DZIP3: variants seen among roughly 807,000 people sequenced by gnomAD.
The protein encoded by DZIP3 is E3 ubiquitin-protein ligase DZIP3.
DZIP3 carries 118 observed loss-of-function variants against 162.0 expected under a neutral mutation model. The ratio of observed to expected loss-of-function variants is 0.73; its 90% CI spans 0.63 to 0.85. DZIP3 has a LOEUF of 0.85. DZIP3 is among the 40% of genes least tolerant of loss of function. The pLI is 0.00. For missense variants in DZIP3, 1,331 were observed against 1,407.0 expected, an observed-to-expected ratio of 0.95 and a Z score of 0.86; for synonymous variants, 438 against 458.6, an observed-to-expected ratio of 0.96 and a Z score of 0.57.
intron 21 of DZIP3, among the ~76,000 whole-genome samples, chr3:108,664,270 A>G (rs1202256302): frequency 6.6e-6 from 1 of 152,168 alleles, no homozygotes; most frequent in Non-Finnish European, 1.5e-5. Context: ...ATAACAATAG[A>G]AAGGCTTTTT....
intron 13 of DZIP3, among the ~76,000 whole-genome samples, chr3:108,643,555 G>A (rs1299735201): frequency 6.6e-6 from 1 of 150,796 alleles, no homozygotes; most frequent in Non-Finnish European, 1.5e-5. Flanking sequence ...TACCCTTTGA[G>A]TAGCAAGGAG....
chr3:108,589,655 T>G (rs1576326684), upstream of DZIP3: 2 of 301,948 alleles, frequency 6.6e-6, no homozygotes, highest in East Asian at 6.2e-5. Flanking sequence ...CGGCCTGAGA[T>G]CCCGTGAAGG....
rs775401443 is a variant in DZIP3 at position 108,688,012 on chromosome 3, T to C, written c.3186T>C (p.Asp1062=). The change falls in exon 29 of 33, where the codon GAT becomes GAC. Residue 1062 remains aspartate, a synonymous_variant. Transcript: ENST00000361582. ...CAGATTTCTTACGGAAATTGAAGGA[T>C]GCTTATGGAAAATCCTTGTCTGAAC... The part of the protein sequence containing the change: ...ELTDFLRKLK[D]AYGKSLSELT... 9.9e-6 allele frequency: 16 copies of C among 1,613,578 alleles called. No individual in the cohort carries two copies. In the South Asian group the frequency reaches 1.5e-4, roughly 16 times the overall value.
chr3:108,653,829 T>C (rs1293659317), intron 18 of DZIP3, among the ~76,000 whole-genome samples: 1 of 152,038 alleles, frequency 6.6e-6, no homozygotes, highest in Non-Finnish European at 1.5e-5. Context: ...CTGAAAGTAC[T>C]GTTTTCCAAA....
intron 10 of DZIP3, among the ~76,000 whole-genome samples, chr3:108,635,548 TATA>T (rs1418774744): frequency 6.8e-6 from 1 of 147,564 alleles, no homozygotes; most frequent in Non-Finnish European, 1.5e-5. Flanking sequence ...TTATATAAGT[TATA>T]ATTATATATA....
At chr3:108,681,299 C>A (rs1244011821) in intron 26 of DZIP3, among the ~76,000 whole-genome samples, 1 of 152,046 alleles carries the variant, frequency 6.6e-6, no homozygotes, top group Non-Finnish European at 1.5e-5. Flanking sequence ...CAAAAGAAGA[C>A]ATTTATGTGG....
At chr3:108,687,594 A>G (rs959968072) in intron 28 of DZIP3, among the ~76,000 whole-genome samples, 1 of 152,206 alleles carries the variant, frequency 6.6e-6, no homozygotes, top group African/African-American at 2.4e-5. Flanking sequence ...AACATAGTTA[A>G]AAATAAATAT....
chr3:108,666,630 C>T (rs1422582792), intron 21 of DZIP3, among the ~76,000 whole-genome samples: 2 of 152,076 alleles, frequency 1.3e-5, no homozygotes, highest in East Asian at 3.9e-4. Flanking sequence ...CCAAGATAGA[C>T]AATAACCTGG....
intron 18 of DZIP3, 111 bp from the exon 19 acceptor site, chr3:108,654,034 T>C: frequency 8.6e-7 from 1 of 1,166,340 alleles, no homozygotes; most frequent in South Asian, 1.5e-5. Context: ...TGAACCCTTC[T>C]AATGCTGAGC....
intron 24 of DZIP3, among the ~76,000 whole-genome samples, chr3:108,675,301 A>G (rs1427972662): frequency 6.6e-6 from 1 of 152,014 alleles, no homozygotes; most frequent in African/African-American, 2.4e-5. Context: ...CAAATAGAAG[A>G]TATTTCTAAT....
chr3:108,657,303 T>C (rs921526470), intron 19 of DZIP3, among the ~76,000 whole-genome samples: 7 of 152,148 alleles, frequency 4.6e-5, no homozygotes, highest in African/African-American at 1.4e-4. Flanking sequence ...GCAGAAACTC[T>C]ACAAGCCAGA....
chr3:108,589,531 A>T, upstream of DZIP3: 3 of 473,846 alleles, frequency 6.3e-6, no homozygotes, highest in South Asian at 3.6e-5. Context: ...ACCCTAGGGG[A>T]CCGTTCTCGG....
At chr3:108,683,490 A>C (rs1944391483) in intron 26 of DZIP3, among the ~76,000 whole-genome samples, 1 of 152,150 alleles carries the variant, frequency 6.6e-6, no homozygotes, top group African/African-American at 2.4e-5. Flanking sequence ...CTTTATGCTT[A>C]ATGCCAGTAG....
intron 22 of DZIP3, among the ~76,000 whole-genome samples, chr3:108,671,681 T>A (rs1159450706): frequency 6.6e-6 from 1 of 151,970 alleles, no homozygotes; most frequent in Non-Finnish European, 1.5e-5. Flanking sequence ...GTTGCTATCA[T>A]TGGGATACAA....
intron 26 of DZIP3, among the ~76,000 whole-genome samples, chr3:108,682,246 A>C (rs1944344149): frequency 6.6e-6 from 1 of 150,882 alleles, no homozygotes. Flanking sequence ...TACAACTACC[A>C]TATGCTCCAA....
chr3:108,607,313 A>G (rs551535773), intron 2 of DZIP3, among the ~76,000 whole-genome samples: 4 of 152,236 alleles, frequency 2.6e-5, no homozygotes, highest in African/African-American at 4.8e-5. Context: ...AAATGAATGC[A>G]TAAATGTAAA....
At chr3:108,668,486 A>G (rs1308754569) in intron 21 of DZIP3, among the ~76,000 whole-genome samples, 2 of 151,976 alleles carry the variant, frequency 1.3e-5, no homozygotes, top group Admixed American at 1.3e-4. Context: ...CCCACTAGTT[A>G]TGTCTACTCT....
chr3:108,688,115 C>G lies in DZIP3; in HGVS notation c.3270+19C>G. 6.2e-7 allele frequency: 1 copy of G among 1,610,978 alleles called. No homozygotes were observed. The highest frequency in any genetic ancestry group is 8.5e-7 in the Non-Finnish European group (1 of 1,178,626). ...GTCTCAGGTAAAATGCAAAAACAACCAAAAAACCTGTATCTCTCTGCCCTT... is the reference window on the plus strand; with the variant it reads ...GTCTCAGGTAAAATGCAAAAACAACGAAAAAACCTGTATCTCTCTGCCCTT... On this transcript the variant is annotated intron_variant, in intron 29 of 32. Transcript: ENST00000361582.
At chr3:108,687,916 C>G in intron 28 of DZIP3, 60 bp from the exon 29 acceptor site, 6 of 1,599,794 alleles carry the variant, frequency 3.8e-6, no homozygotes, top group Non-Finnish European at 5.1e-6. Flanking sequence ...TTGGTGGGTA[C>G]ATCCTCAAAG....
Sources: allele counts gnomAD v4.1 joint callset (sites outside exome capture counted in the v4.1 genomes callset), GRCh38; gene constraint gnomAD v4.1.1; transcripts MANE v1.5; gene names NCBI Gene and HGNC (gene_info 2026-07-23, HGNC 2026-07-21).